The following FLG variants were observed in gnomAD, a reference collection of about 807,000 sequenced individuals.
FLG encodes the protein epidermal filaggrin.
A neutral mutation model predicts 3.8 loss-of-function variants in FLG; 6 were observed. The observed-to-expected ratio is 1.60, with a 90% CI of 0.87 to 3.15. The LOEUF is 3.15. FLG is among the 30% of genes most tolerant of loss of function. The pLI, the probability that FLG is intolerant of heterozygous loss-of-function variation, is 0.00. For synonymous variants in FLG, 2,551 were observed against 1,931.6 expected (o/e 1.32, Z -8.41); for missense variants, 7,595 against 5,050.9 (o/e 1.50, Z -15.27).
At chr1:152,321,848 A>G (rs1299347382) in intron 1 of FLG, among the ~76,000 whole-genome samples, 2 of 151,264 alleles carry the variant, frequency 1.3e-5, no homozygotes, top group South Asian at 2.1e-4. Context: ...CAACGATATA[A>G]GAATCAAAAT....
chr1:152,317,020 A>G (rs1652809587), intron 1 of FLG, among the ~76,000 whole-genome samples: 1 of 152,016 alleles, frequency 6.6e-6, no homozygotes, highest in Admixed American at 6.6e-5. Flanking sequence ...CTACATTTCT[A>G]TCCATATACC....
At chr1:152,316,905 T>A (rs1420561965) in intron 1 of FLG, among the ~76,000 whole-genome samples, 1 of 152,140 alleles carries the variant, frequency 6.6e-6, no homozygotes, top group Non-Finnish European at 1.5e-5. Context: ...CTTCAACAAC[T>A]TCTTCTTTCC....
chr1:152,303,790 C>A lies in FLG; in HGVS notation c.11096G>T (p.Arg3699Leu), dbSNP rs754536597. 4.3e-6 allele frequency: 7 copies of A among 1,613,542 alleles called. No homozygotes were observed. In the East Asian group the frequency reaches 1.3e-4, roughly 31 times the overall value. The change falls in exon 3 of 3, where the codon CGG becomes CTG. Residue 3699 changes from arginine (R) to leucine (L), a missense_variant. Physicochemically the swap from Arg to Leu is moderately radical, Grantham distance 102 (BLOSUM62 -2). Transcript: ENST00000368799. ...TGAACGTCCAGACCTTCCTGCTGAC[C>A]GGCCACGTGTGGACTCTTGGTGGCT... ...QQSHQESTRGRSAGRSGRSGS... is the reference protein window; with the variant it reads ...QQSHQESTRGLSAGRSGRSGS...
Position 152,310,752 on chromosome 1 carries a change from A to G in FLG, c.4134T>C (p.Ala1378=), listed in dbSNP as rs1175659353. The part of the protein sequence containing the change: ...SRHSGIGHRQ[A]SSAVRDSGHR... ...GTCCACTGTCTCTGACTGCAGATGA[A>G]GCTTGTCTGTGCCCAATGCCTGAGT... Residue 1378 remains alanine, a synonymous_variant, in exon 3 of 3, where the codon GCT becomes GCC. Transcript: ENST00000368799. The G allele has an allele frequency of 5.6e-6, 9 of 1,613,694 alleles. No homozygotes were observed. Among genetic ancestry groups the G allele is most frequent in the Non-Finnish European group, 7.6e-6 (9 of 1,179,928 alleles).
rs755366751 is a variant in FLG at position 152,312,519 on chromosome 1, A to G, written c.2367T>C (p.Arg789=). ...ARDRSGERSR[R]SGSFLYQVST... ...TCACCTGGTAGAGGAAAGACCCTGA[A>G]CGTCGAGACCTTTCCCCTGACCGGT... is the stretch of plus-strand genomic sequence containing the variant. The change falls in exon 3 of 3, where the codon CGT becomes CGC. Residue 789 remains arginine, a synonymous_variant. Coordinates refer to ENST00000368799, the MANE Select transcript of FLG (RefSeq NM_002016.2). 7 of 1,612,734 alleles carry G rather than the reference A, an allele frequency of 4.3e-6. No homozygotes were observed. In the South Asian group the frequency reaches 7.7e-5, roughly 18 times the overall value.
chr1:152,310,170 T>G lies in FLG; in HGVS notation c.4716A>C (p.Arg1572Ser), dbSNP rs199853602. ...HEPSTRAGSS[R>S]HSQVGQGESA... ...ATTCTCCCTGGCCCACCTGTGAGTGTCTAGAGCTGCCGGCCCGAGTGGAAG... is the reference window on the plus strand; with the variant it reads ...ATTCTCCCTGGCCCACCTGTGAGTGGCTAGAGCTGCCGGCCCGAGTGGAAG... Residue 1572 changes from arginine (R) to serine (S), a missense_variant, in exon 3 of 3, where the codon AGA becomes AGC. By Grantham distance (110) the Arg-to-Ser change is moderately radical. Coordinates refer to ENST00000368799, the MANE Select transcript of FLG (RefSeq NM_002016.2). 4 of 1,613,854 alleles carry G rather than the reference T, an allele frequency of 2.5e-6. No individual in the cohort carries two copies. In the South Asian group the frequency reaches 4.4e-5, roughly 18 times the overall value.
rs79466425 is a variant in FLG at position 152,304,527 on chromosome 1, C to G, written c.10359G>C (p.Ser3453=). Residue 3453 remains serine (S), a synonymous_variant, in exon 3 of 3, where the codon TCG becomes TCC. Transcript: ENST00000368799. ...RGRQGSHYEQ[S]VDRSGHSGSH... ...ACCCTGAGTGTCCAGACCTATCTAC[C>G]GATTGCTCGTAGTGGGATCCCTGCC... The G allele has an allele frequency of 1.9e-6, 3 of 1,612,180 alleles. No individual in the cohort carries two copies. The highest frequency in any genetic ancestry group is 1.7e-6 in the Non-Finnish European group (2 of 1,179,350).
In FLG at chr1:152,309,896, C is replaced by T. The variant is rs754699349; in HGVS notation, c.4990G>A (p.Gly1664Arg). Residue 1664 changes from glycine (G) to arginine (R), a missense_variant, in exon 3 of 3, where the codon GGA (glycine) becomes AGA (arginine). Coordinates refer to ENST00000368799, the MANE Select transcript of FLG (RefSeq NM_002016.2). ...TGTTCCTGGGATGATGCAGCCTGTC[C>T]ACCAGAGGAAGTCTCTGCATGACGA... ...GTRHAETSSGGQAASSQEQAR... is the reference protein window; with the variant it reads ...GTRHAETSSGRQAASSQEQAR... 23 of 1,613,996 alleles carry T rather than the reference C, an allele frequency of 1.4e-5. 1 individual carries two copies. Among genetic ancestry groups the T allele is most frequent in the Non-Finnish European group, 1.9e-5 (22 of 1,180,040 alleles).
At chr1:152,323,357 G>A (rs184935133) in intron 1 of FLG, among the ~76,000 whole-genome samples, 1 of 151,730 alleles carries the variant, frequency 6.6e-6, no homozygotes, top group Admixed American at 6.6e-5. Flanking sequence ...GAAGAGAGAT[G>A]TACAAGCCAC....
rs751507111 is a variant in FLG at position 152,308,879 on chromosome 1, C to G, written c.6007G>C (p.Glu2003Gln). The G allele has an allele frequency of 1.9e-6, 3 of 1,614,092 alleles. No homozygotes were observed. The highest frequency in any genetic ancestry group is 1.7e-6 in the Non-Finnish European group (2 of 1,180,028). ...AGCTGGTGGTGGGATCCATGTCTTT[C>G]TCCTGCACTTGATCTTGCCTGTTCA... Reference protein sequence around the residue: ...SHEQARSSAGERHGSHHQLQS... With the variant: ...SHEQARSSAGQRHGSHHQLQS... The change falls in exon 3 of 3, where the codon GAA (glutamate) becomes CAA (glutamine). Residue 2003 changes from glutamate to glutamine, a missense_variant. Glu to Gln is a conservative substitution (Grantham distance 29). Coordinates refer to ENST00000368799, the MANE Select transcript of FLG (RefSeq NM_002016.2).
chr1:152,309,653 G>A lies in FLG; in HGVS notation c.5233C>T (p.Gln1745Ter), dbSNP rs1209640261. 5.6e-6 allele frequency: 9 copies of A among 1,613,870 alleles called. No individual in the cohort carries two copies. In the East Asian group the frequency reaches 1.6e-4, roughly 28 times the overall value. Residue 1745 changes from glutamine (Q) to a stop codon, truncating the protein, a stop_gained, in exon 3 of 3, where the codon CAG (glutamine) becomes TAG (stop). Transcript: ENST00000368799. LOFTEE classifies it low-confidence loss of function (END_TRUNC). Reference sequence around the variant, plus strand: ...CCACGTGTGGACTCTTGGTGGCTCTGCTGATGGGGCCCAGCCTGTCCGTGG... The same window carrying A: ...CCACGTGTGGACTCTTGGTGGCTCTACTGATGGGGCCCAGCCTGTCCGTGG... ...SAHGQAGPHQ[Q>*]SHQESTRGQS...
Position 152,308,404 on chromosome 1 carries a change from G to C in FLG, c.6482C>G (p.Ser2161Cys). 1.9e-6 allele frequency: 3 copies of C among 1,613,810 alleles called. No homozygotes were observed. The highest frequency in any genetic ancestry group is 2.5e-6 in the Non-Finnish European group (3 of 1,179,892). The change falls in exon 3 of 3, where the codon TCT becomes TGT. Residue 2161 changes from serine to cysteine, a missense_variant. Transcript: ENST00000368799. ...GCTGTGATGAGACCCTGAGTGTCCA[G>C]ACCTATCTACCGATTGCTCTTGGTG... is the stretch of plus-strand genomic sequence containing the variant. ...GSHQEQSVDR[S>C]GHSGSHHSHT...
intron 1 of FLG, 84 bp from the exon 2 acceptor site, chr1:152,315,561 C>A: frequency 1.9e-6 from 2 of 1,063,758 alleles, no homozygotes; most frequent in South Asian, 1.5e-5. Context: ...ACATTTTAAA[C>A]CTACATTTTC....
chr1:152,310,276 G>C lies in FLG; in HGVS notation c.4610C>G (p.Pro1537Arg). Residue 1537 changes from proline (P) to arginine (R), a missense_variant, in exon 3 of 3, where the codon CCC (proline) becomes CGC (arginine). Transcript: ENST00000368799. ...RSDASHGQSGPRSASRQTRNE... is the reference protein window; with the variant it reads ...RSDASHGQSGRRSASRQTRNE... ...TCTTGTTTGCCTGCTTGCACTTCTG[G>C]GTCCTGACTGCCCATGGGAGGCATC... The C allele has an allele frequency of 6.2e-7, 1 of 1,613,696 alleles. No individual in the cohort carries two copies. The highest frequency in any genetic ancestry group is 8.5e-7 in the Non-Finnish European group (1 of 1,179,942).
Position 152,302,521 on chromosome 1 carries a change from G to A in FLG, c.*179C>T, listed in dbSNP as rs12071181. On this transcript the variant is annotated 3_prime_UTR_variant, in exon 3 of 3. Transcript: ENST00000368799. ...CCATTTAATATTTCTGAAATATAGC[G>A]TTTAAAGATCATTACACAATAAAAA... The A allele has an allele frequency of 8.2e-3, 6,249 of 759,368 alleles. 283 individuals carry two copies. The African/African-American group carries it at 0.099, about 12-fold the overall frequency. 47.0% of individuals were successfully genotyped at this position (759,368 alleles called of 1,614,324 possible).
In FLG at chr1:152,312,755, G is replaced by A. The variant is rs115087788; in HGVS notation, c.2131C>T (p.Arg711Cys). 4.2e-4 allele frequency: 681 copies of A among 1,613,922 alleles called. 7 individuals carry two copies. In the African/African-American group the frequency reaches 7.4e-3, roughly 18 times the overall value. Reference sequence around the variant, plus strand: ...CTGTCTGCTGACTGGAGCTGGTGGCGGGATCCATGTCTTTCTCCTGCACTT... The same window carrying A: ...CTGTCTGCTGACTGGAGCTGGTGGCAGGATCCATGTCTTTCTCCTGCACTT... Reference protein sequence around the residue: ...RSSAGERHGSRHQLQSADSSR... With the variant: ...RSSAGERHGSCHQLQSADSSR... Residue 711 changes from arginine (R) to cysteine (C), a missense_variant, in exon 3 of 3, where the codon CGC becomes TGC. By Grantham distance (180) the Arg-to-Cys change is radical (BLOSUM62 -3). Coordinates refer to ENST00000368799, the MANE Select transcript of FLG (RefSeq NM_002016.2).
In FLG at chr1:152,302,869, A is replaced by G. The variant is rs1651693140; in HGVS notation, c.12017T>C (p.Val4006Ala). The G allele has an allele frequency of 1.2e-6, 2 of 1,614,216 alleles. No homozygotes were observed. Among genetic ancestry groups the G allele is most frequent in the Non-Finnish European group, 8.5e-7 (1 of 1,180,040 alleles). The change falls in exon 3 of 3, where the codon GTT (valine) becomes GCT (alanine). Residue 4006 changes from valine to alanine, a missense_variant. By Grantham distance (64) the Val-to-Ala change is moderately conservative (BLOSUM62 0). Coordinates refer to ENST00000368799, the MANE Select transcript of FLG (RefSeq NM_002016.2). ...GATATCAGATCTTTCCTTGAAAACA[A>G]CAGGATTGGAATTGTAACTAACACT... The part of the protein sequence containing the change: ...HGSVSYNSNP[V>A]VFKERSDICK...
At position 152,302,559 on chromosome 1, in the gene FLG, A is replaced by C; in HGVS notation, c.*141T>G. 9.2e-7 allele frequency: 1 copy of C among 1,084,814 alleles called. No individual in the cohort carries two copies. Among genetic ancestry groups the C allele is most frequent in the South Asian group, 1.6e-5 (1 of 61,498 alleles). 67.2% of individuals were successfully genotyped at this position (1,084,814 alleles called of 1,614,324 possible). On this transcript the variant is annotated 3_prime_UTR_variant, in exon 3 of 3. Coordinates refer to ENST00000368799, the MANE Select transcript of FLG (RefSeq NM_002016.2). ...TACACAATAAAAATAAGCTACCACC[A>C]AACTAATGAAATACTATAGCATATT...
At position 152,305,032 on chromosome 1, in the gene FLG, C is replaced by G. The variant is rs749472491; in HGVS notation, c.9854G>C (p.Gly3285Ala). ...CTGTTCATGGGATGATGCAGCCTGT[C>G]CACCAGAGGAAGTCTCTGCGTGACG... ...GTRHAETSSG[G>A]QAASSHEQAR... Residue 3285 changes from glycine (G) to alanine (A), a missense_variant, in exon 3 of 3, where the codon GGA (glycine) becomes GCA (alanine). Transcript: ENST00000368799. The G allele has an allele frequency of 6.2e-7, 1 of 1,613,928 alleles. No individual in the cohort carries two copies. Among genetic ancestry groups the G allele is most frequent in the Non-Finnish European group, 8.5e-7 (1 of 1,179,996 alleles).
Sources: allele counts gnomAD v4.1 joint callset (sites outside exome capture counted in the v4.1 genomes callset), GRCh38; gene constraint gnomAD v4.1.1; transcripts MANE v1.5; gene names NCBI Gene and HGNC (gene_info 2026-07-23, HGNC 2026-07-21).